The following SMAD9 variants were observed in gnomAD, a reference collection of about 807,000 sequenced individuals.
The protein encoded by SMAD9 is MAD homolog 9.
Under a neutral mutation model 46.1 loss-of-function variants are expected in SMAD9, and 36 were observed. The observed-to-expected ratio is 0.78, with a 90% CI of 0.60 to 1.03. The LOEUF (loss-of-function observed/expected upper bound fraction) is 1.03, where lower values mean the gene tolerates loss of function less well. Ranked by LOEUF, SMAD9 falls within the 50% of genes least tolerant of loss-of-function variation. SMAD9 has a pLI of 0.00. For synonymous variants in SMAD9, 245 were observed against 237.1 expected (o/e 1.03, Z -0.31); for missense variants, 572 against 599.8 (o/e 0.95, Z 0.48).
At chr13:36,873,978 A>T (rs553887087) in intron 2 of SMAD9, among the ~76,000 whole-genome samples, 6 of 152,368 alleles carry the variant, frequency 3.9e-5, no homozygotes, top group African/African-American at 1.4e-4. Flanking sequence ...CTGATTATAC[A>T]CAAAATTTCA....
intron 3 of SMAD9, among the ~76,000 whole-genome samples, chr13:36,869,898 T>A (rs2058274337): frequency 1.3e-5 from 2 of 152,088 alleles, no homozygotes; most frequent in African/African-American, 4.8e-5. Flanking sequence ...AAAATTAACA[T>A]ATGAGAAACC....
Position 36,882,241 on chromosome 13 carries a change from GTGT to G in SMAD9, c.-186-2369_-186-2367del, listed in dbSNP as rs2058409846. On this transcript the variant is annotated intron_variant, in intron 1 of 6. Transcript: ENST00000379826. ...ACAGGTATGTGCTGTGTGTGTGTGT[GTGT>G]GTGTGTGTGTGTGTGTATGTGTGTG... Among the ~76,000 whole-genome samples, 3 of 149,026 alleles carry G rather than the reference GTGT, an allele frequency of 2.0e-5. No homozygotes were observed. The South Asian group carries it at 6.3e-4, about 31-fold the overall frequency.
At chr13:36,900,147 C>G (rs574941210) in intron 1 of SMAD9, among the ~76,000 whole-genome samples, 1 of 152,282 alleles carries the variant, frequency 6.6e-6, no homozygotes, top group South Asian at 2.1e-4. Flanking sequence ...CTCAAACATA[C>G]CAAGTATGCA....
chr13:36,870,875 G>A (rs2058286366), intron 3 of SMAD9, among the ~76,000 whole-genome samples: 1 of 152,182 alleles, frequency 6.6e-6, no homozygotes, highest in African/African-American at 2.4e-5. Context: ...CAGTAGATCT[G>A]ATCACAGAGA....
At chr13:36,914,380 G>A (rs1819338) in intron 1 of SMAD9, among the ~76,000 whole-genome samples, 25,590 of 152,054 alleles carry the variant, frequency 0.17, 2,760 homozygotes, top group Non-Finnish European at 0.23. Flanking sequence ...TTAGCCGGGC[G>A]TGGTGGCAGG....
intron 1 of SMAD9, among the ~76,000 whole-genome samples, chr13:36,895,995 C>A (rs1425593314): frequency 1.3e-5 from 2 of 152,244 alleles, no homozygotes; most frequent in South Asian, 4.1e-4. Flanking sequence ...TGTGCAGTTA[C>A]AAAATAGATT....
chr13:36,918,687 T>C (rs928837943), intron 1 of SMAD9, among the ~76,000 whole-genome samples: 4 of 152,208 alleles, frequency 2.6e-5, no homozygotes, highest in African/African-American at 4.8e-5. Flanking sequence ...ACTCTTATAT[T>C]GAATCTTTGT....
intron 1 of SMAD9, among the ~76,000 whole-genome samples, chr13:36,889,235 T>C (rs774940806): frequency 2.0e-5 from 3 of 152,226 alleles, no homozygotes; most frequent in Non-Finnish European, 4.4e-5. Flanking sequence ...CCACATATTC[T>C]GGTCCAGCTC....
intron 1 of SMAD9, among the ~76,000 whole-genome samples, chr13:36,895,035 C>T (rs1162681496): frequency 6.6e-5 from 10 of 152,166 alleles, no homozygotes; most frequent in Non-Finnish European, 1.5e-5. Context: ...TTAGCACTCA[C>T]CTCAATCTCC....
chr13:36,914,285 C>T (rs1414067992), intron 1 of SMAD9, among the ~76,000 whole-genome samples: 1 of 152,120 alleles, frequency 6.6e-6, no homozygotes, highest in South Asian at 2.1e-4. Context: ...TTTGGGAGGC[C>T]GAGGCCGGCG....
chr13:36,863,285 T>G (rs1382827530), intron 5 of SMAD9, among the ~76,000 whole-genome samples: 3 of 152,156 alleles, frequency 2.0e-5, no homozygotes. Context: ...GCAAGGCTTG[T>G]GGCATGTCCA....
chr13:36,915,121 T>C (rs1178265569), intron 1 of SMAD9, among the ~76,000 whole-genome samples: 1 of 152,212 alleles, frequency 6.6e-6, no homozygotes, highest in Non-Finnish European at 1.5e-5. Flanking sequence ...CTGGGGTCAG[T>C]GAGTTCAGGA....
At chr13:36,878,282 T>C (rs777897805) in intron 2 of SMAD9, among the ~76,000 whole-genome samples, 2 of 152,186 alleles carry the variant, frequency 1.3e-5, no homozygotes, top group Non-Finnish European at 2.9e-5. Context: ...TATAAGACAG[T>C]GGTCCCCCAA....
At chr13:36,892,538 G>T (rs1476800868) in intron 1 of SMAD9, among the ~76,000 whole-genome samples, 1 of 152,108 alleles carries the variant, frequency 6.6e-6, no homozygotes, top group African/African-American at 2.4e-5. Flanking sequence ...TAAACCATCT[G>T]CTTGTATAAA....
At chr13:36,852,679 G>A (rs1353386603) in intron 6 of SMAD9, among the ~76,000 whole-genome samples, 1 of 152,084 alleles carries the variant, frequency 6.6e-6, no homozygotes, top group Non-Finnish European at 1.5e-5. Flanking sequence ...TATTTTTGTA[G>A]CTTATTCATA....
At chr13:36,918,646 T>C (rs1321707543) in intron 1 of SMAD9, among the ~76,000 whole-genome samples, 1 of 152,236 alleles carries the variant, frequency 6.6e-6, no homozygotes, top group Admixed American at 6.5e-5. Flanking sequence ...AGTCTAAAAT[T>C]GTGCTGATGC....
Position 36,872,654 on chromosome 13 carries a change from T to C in SMAD9, c.670+4A>G. On this transcript the variant is annotated splice_donor_region_variant and intron_variant, in intron 3 of 6. Transcript: ENST00000379826. ...TTTCCCCACAGACCATAGTTCTTAC[T>C]GACCTGAGTGTTGATAGGGACTCTC... The C allele has an allele frequency of 6.2e-7, 1 of 1,614,036 alleles. No homozygotes were observed. Among genetic ancestry groups the C allele is most frequent in the Non-Finnish European group, 8.5e-7 (1 of 1,179,998 alleles).
At chr13:36,898,728 A>G (rs975984677) in intron 1 of SMAD9, among the ~76,000 whole-genome samples, 9 of 152,198 alleles carry the variant, frequency 5.9e-5, no homozygotes, top group African/African-American at 2.2e-4. Flanking sequence ...ATGAGTTTTA[A>G]AAAATTATTA....
intron 1 of SMAD9, among the ~76,000 whole-genome samples, chr13:36,918,118 G>A (rs556615305): frequency 6.6e-6 from 1 of 152,182 alleles, no homozygotes; most frequent in East Asian, 1.9e-4. Flanking sequence ...TGACATCTGT[G>A]AATATTTTCT....
Sources: gnomAD v4.1 joint callset for allele counts (sites outside exome capture counted in the v4.1 genomes callset) on GRCh38, gnomAD v4.1.1 for gene constraint, MANE v1.5 for transcripts, NCBI Gene and HGNC (gene_info 2026-07-23, HGNC 2026-07-21) for gene names.